CPXM2: variants seen among roughly 807,000 people sequenced by gnomAD.
CPXM2 encodes inactive carboxypeptidase-like protein X2.
Under a neutral mutation model 86.1 loss-of-function variants are expected in CPXM2, and 66 were observed. The observed-to-expected ratio is 0.77, with a 90% CI of 0.63 to 0.94. The LOEUF is 0.94. CPXM2 is among the 40% of genes least tolerant of loss of function. The pLI is 0.00. For missense variants in CPXM2, 948 were observed against 1,026.3 expected (o/e 0.92, Z 1.04); for synonymous variants, 388 against 400.2 (o/e 0.97, Z 0.36).
intron 3 of CPXM2, among the ~76,000 whole-genome samples, chr10:123,862,256 T>C (rs940395245): frequency 1.3e-5 from 2 of 152,164 alleles, no homozygotes; most frequent in Admixed American, 6.5e-5. Flanking sequence ...GGAAGACAAA[T>C]GCCACTGCCT....
chr10:123,811,972 AAAG>A (rs1177330660), intron 4 of CPXM2, among the ~76,000 whole-genome samples: 1 of 152,238 alleles, frequency 6.6e-6, no homozygotes, highest in Non-Finnish European at 1.5e-5. Context: ...TAAAAACCTT[AAAG>A]AAGACTATGA....
At chr10:123,929,754 G>A (rs1442966331) in intron 2 of CPXM2, among the ~76,000 whole-genome samples, 1 of 151,720 alleles carries the variant, frequency 6.6e-6, no homozygotes, top group African/African-American at 2.4e-5. Flanking sequence ...AGCCCAGAAA[G>A]GCAAGCAGGT....
chr10:123,875,975 C>A (rs1054338835), intron 2 of CPXM2, among the ~76,000 whole-genome samples: 6 of 151,878 alleles, frequency 4.0e-5, no homozygotes, highest in Admixed American at 3.3e-4. Context: ...TGCTGCCACG[C>A]CCGGCTAATT....
At chr10:123,820,214 G>A (rs1445114044) in intron 4 of CPXM2, among the ~76,000 whole-genome samples, 1 of 152,090 alleles carries the variant, frequency 6.6e-6, no homozygotes, top group Admixed American at 6.5e-5. Context: ...TCTTAGTTCT[G>A]CCCCTCTAGA....
At chr10:123,877,937 C>T (rs913453534) in intron 2 of CPXM2, among the ~76,000 whole-genome samples, 9 of 152,264 alleles carry the variant, frequency 5.9e-5, no homozygotes, top group African/African-American at 1.7e-4. Flanking sequence ...TAGTTAACAT[C>T]GCCTGTACTG....
In CPXM2 at chr10:123,798,075, CG is replaced by C. The variant is rs908237624; in HGVS notation, c.789del (p.Val264SerfsTer10). ...EKEIPVLNEL[P>X]VPMVARYIRI... ...CGGATGTAGCGGGCCACCATGGGGA[CG>C]GGTAGCTCATTGAGAACAGGGATCT... is the stretch of plus-strand genomic sequence containing the variant. On this transcript the variant is annotated frameshift_variant, in exon 6 of 14. Transcript: ENST00000241305. LOFTEE classifies it high-confidence loss of function. 6.2e-5 allele frequency: 100 copies of C among 1,611,158 alleles called. No individual in the cohort carries two copies. The highest frequency in any genetic ancestry group is 7.9e-5 in the Non-Finnish European group (93 of 1,178,628).
chr10:123,881,778 G>A (rs532847979), intron 1 of CPXM2, among the ~76,000 whole-genome samples: 18 of 152,308 alleles, frequency 1.2e-4, no homozygotes, highest in African/African-American at 2.6e-4. Flanking sequence ...CAGCCACACC[G>A]CAGGTCTGCA....
intron 3 of CPXM2, among the ~76,000 whole-genome samples, chr10:123,858,293 A>C (rs1313997955): frequency 6.6e-6 from 1 of 152,236 alleles, no homozygotes; most frequent in Non-Finnish European, 1.5e-5. Flanking sequence ...CAGCGCATCC[A>C]TATGTGCAGA....
At chr10:123,857,781 A>G (rs1343613142) in intron 3 of CPXM2, among the ~76,000 whole-genome samples, 1 of 152,236 alleles carries the variant, frequency 6.6e-6, no homozygotes, top group Non-Finnish European at 1.5e-5. Flanking sequence ...GGCACAGGGC[A>G]CCACGCACGG....
intron 2 of CPXM2, among the ~76,000 whole-genome samples, chr10:123,873,823 A>G (rs1944932584): frequency 6.7e-6 from 1 of 149,426 alleles, no homozygotes; most frequent in South Asian, 2.1e-4. Context: ...GCTGTACCAG[A>G]TTATAAACAA....
At chr10:123,812,439 G>GGT (rs1847713633) in intron 4 of CPXM2, among the ~76,000 whole-genome samples, 1 of 152,142 alleles carries the variant, frequency 6.6e-6, no homozygotes, top group Non-Finnish European at 1.5e-5. Context: ...AAAGGTAGGA[G>GGT]ATTAATTGGT....
At chr10:123,793,164 G>A (rs984871138) in intron 6 of CPXM2, among the ~76,000 whole-genome samples, 23 of 152,104 alleles carry the variant, frequency 1.5e-4, no homozygotes, top group Admixed American at 7.2e-4. Context: ...AGTTGCTGAG[G>A]AGCAAAAGTG....
At chr10:123,837,518 A>C (rs1280088769) in intron 4 of CPXM2, among the ~76,000 whole-genome samples, 1 of 152,226 alleles carries the variant, frequency 6.6e-6, no homozygotes, top group Non-Finnish European at 1.5e-5. Flanking sequence ...CAAGCAGAAT[A>C]ATTAACTTTT....
At chr10:123,863,237 T>C (rs1403344693) in intron 2 of CPXM2, among the ~76,000 whole-genome samples, 1 of 152,186 alleles carries the variant, frequency 6.6e-6, no homozygotes, top group Non-Finnish European at 1.5e-5. Context: ...TAGCCCATTG[T>C]CCGTAAGAAT....
chr10:123,766,885 T>C (rs952604124), intron 10 of CPXM2, 88 bp downstream of exon 10: 6 of 1,099,804 alleles, frequency 5.5e-6, no homozygotes, highest in Non-Finnish European at 8.2e-6. Flanking sequence ...GTTTTGTCTC[T>C]TTCTTAAATG....
chr10:123,895,280 C>T (rs1945328060), upstream of CPXM2, among the ~76,000 whole-genome samples: 1 of 151,982 alleles, frequency 6.6e-6, no homozygotes, highest in South Asian at 2.1e-4. Flanking sequence ...CCTACCACCA[C>T]ACCCAGCTAA....
intron 6 of CPXM2, among the ~76,000 whole-genome samples, chr10:123,787,118 A>T (rs1488203483): frequency 6.6e-6 from 1 of 152,172 alleles, no homozygotes; most frequent in Non-Finnish European, 1.5e-5. Context: ...TGTCAGTGGT[A>T]GGAGGCTCCA....
At chr10:123,874,364 C>T (rs375370076) in intron 2 of CPXM2, among the ~76,000 whole-genome samples, 16 of 149,122 alleles carry the variant, frequency 1.1e-4, no homozygotes, top group Middle Eastern at 6.8e-3. Flanking sequence ...GATCTAATCA[C>T]CACCCCCCGC....
At chr10:123,801,361 A>G (rs912783185) in intron 4 of CPXM2, among the ~76,000 whole-genome samples, 2 of 152,138 alleles carry the variant, frequency 1.3e-5, no homozygotes, top group Middle Eastern at 3.2e-3. Flanking sequence ...GCCATGTGGA[A>G]CTGTGAGTCC....
Sources: allele counts gnomAD v4.1 joint callset (sites outside exome capture counted in the v4.1 genomes callset), GRCh38; gene constraint gnomAD v4.1.1; transcripts MANE v1.5; gene names NCBI Gene and HGNC (gene_info 2026-07-23, HGNC 2026-07-21).